The following SLC2A13 variants were observed in gnomAD, a reference collection of about 807,000 sequenced individuals.
The protein encoded by SLC2A13 is solute carrier family 2 member 13.
A neutral mutation model predicts 64.4 loss-of-function variants in SLC2A13; 32 were observed. The observed-to-expected ratio is 0.50, with a 90% CI of 0.37 to 0.67. SLC2A13 has a LOEUF of 0.67. Among genes scored for constraint, SLC2A13 ranks in the 30% least tolerant of loss-of-function variants. SLC2A13 has a pLI of 0.00. For missense variants in SLC2A13, 743 were observed against 829.2 expected (o/e 0.90, Z 1.28); for synonymous variants, 338 against 327.1 (o/e 1.03, Z -0.36).
chr12:39,866,467 G>A (rs1943913036), intron 5 of SLC2A13, among the ~76,000 whole-genome samples: 1 of 152,140 alleles, frequency 6.6e-6, no homozygotes, highest in Admixed American at 6.5e-5. Context: ...AATTTTAAAT[G>A]TCATAATGTA....
chr12:40,001,204 G>A (rs1045908483), intron 3 of SLC2A13, among the ~76,000 whole-genome samples: 14 of 152,264 alleles, frequency 9.2e-5, no homozygotes, highest in African/African-American at 2.9e-4. Flanking sequence ...GGGCCTTAAC[G>A]ACAACAAAAA....
chr12:39,983,072 T>C (rs1375787909), intron 3 of SLC2A13, among the ~76,000 whole-genome samples: 1 of 150,894 alleles, frequency 6.6e-6, no homozygotes, highest in Non-Finnish European at 1.5e-5. Flanking sequence ...AAACAAGCAA[T>C]GGGGAAAGGA....
At position 39,783,034 on chromosome 12, in the gene SLC2A13, C is replaced by T. The variant is rs528482390; in HGVS notation, c.1446-18176G>A. 1.5e-4 allele frequency among the ~76,000 whole-genome samples: 23 copies of T among 152,238 alleles called. No individual in the cohort carries two copies. In the South Asian group the frequency reaches 2.1e-3, roughly 14 times the overall value. The stretch of plus-strand genomic sequence containing the variant: ...ATCCCTCCCCGCTCCCCCCACCCCA[C>T]GACAGGCCCTGGTGTGTGATGTTCC... On this transcript the variant is annotated intron_variant, in intron 7 of 9. Transcript: ENST00000280871.
chr12:39,889,399 C>T (rs1944544785), intron 4 of SLC2A13, among the ~76,000 whole-genome samples: 1 of 151,848 alleles, frequency 6.6e-6, no homozygotes, highest in Non-Finnish European at 1.5e-5. Context: ...ATAAATATAG[C>T]CTTATACTCT....
At position 40,101,233 on chromosome 12, in the gene SLC2A13, C is replaced by T. The variant is rs542068285; in HGVS notation, c.556+4020G>A. Among the ~76,000 whole-genome samples, 9 of 151,948 alleles carry T rather than the reference C, an allele frequency of 5.9e-5. No homozygotes were observed. In the South Asian group the frequency reaches 1.0e-3, roughly 18 times the overall value. On this transcript the variant is annotated intron_variant, in intron 1 of 9. Coordinates refer to ENST00000280871, the MANE Select transcript of SLC2A13 (RefSeq NM_052885.4). Reference sequence around the variant, plus strand: ...AATAATGCCATATTTAAAACAGGCACGCAGTATTTTTTTTACAACCAGTCA... The same window carrying T: ...AATAATGCCATATTTAAAACAGGCATGCAGTATTTTTTTTACAACCAGTCA...
At chr12:40,078,602 T>C (rs558818509) in intron 1 of SLC2A13, among the ~76,000 whole-genome samples, 4 of 152,318 alleles carry the variant, frequency 2.6e-5, no homozygotes, top group African/African-American at 7.2e-5. Context: ...AGTTTTCATC[T>C]TTTATTGTGT....
chr12:39,779,097 A>G (rs1047070147), intron 7 of SLC2A13, among the ~76,000 whole-genome samples: 1 of 152,158 alleles, frequency 6.6e-6, no homozygotes, highest in African/African-American at 2.4e-5. Context: ...AAGGGCTGGC[A>G]TAAGTTGGAT....
intron 7 of SLC2A13, among the ~76,000 whole-genome samples, chr12:39,800,171 G>A (rs1165814106): frequency 6.6e-6 from 1 of 152,090 alleles, no homozygotes; most frequent in Non-Finnish European, 1.5e-5. Flanking sequence ...TTAAATCCTT[G>A]GCATTTTTGC....
intron 7 of SLC2A13, among the ~76,000 whole-genome samples, chr12:39,811,132 C>CA (rs1407047366): frequency 6.6e-6 from 1 of 151,822 alleles, no homozygotes; most frequent in Non-Finnish European, 1.5e-5. Context: ...TATGTGTCAC[C>CA]AGGAATTTTC....
intron 3 of SLC2A13, among the ~76,000 whole-genome samples, chr12:40,026,179 G>A (rs1454880871): frequency 6.6e-6 from 1 of 152,202 alleles, no homozygotes; most frequent in Non-Finnish European, 1.5e-5. Flanking sequence ...TAAGCAAGAT[G>A]ATATTACTTC....
chr12:40,076,006 CA>C (rs1938157252), intron 1 of SLC2A13, among the ~76,000 whole-genome samples: 1 of 152,104 alleles, frequency 6.6e-6, no homozygotes, highest in Non-Finnish European at 1.5e-5. Flanking sequence ...TTACCAAAGC[CA>C]ATTTAAAGTT....
At chr12:39,930,944 T>A (rs565902765) in intron 4 of SLC2A13, among the ~76,000 whole-genome samples, 1 of 152,358 alleles carries the variant, frequency 6.6e-6, no homozygotes, top group Non-Finnish European at 1.5e-5. Flanking sequence ...ATTTTTTATC[T>A]GGTCCTTTAC....
rs544628442 is a variant in SLC2A13, at chr12:39,831,806, T to C, written c.1320-1578A>G. ...TCCCACTTTCACTATGTGAGGTGGC[T>C]GTTCCCCCTTAGCCTTCTACCATAA... On this transcript the variant is annotated intron_variant, in intron 6 of 9. Transcript: ENST00000280871. Among the ~76,000 whole-genome samples the C allele has an allele frequency of 2.0e-5, 3 of 152,254 alleles. No individual in the cohort carries two copies. The East Asian group carries it at 5.8e-4, about 29-fold the overall frequency.
rs574352020 is a variant in SLC2A13, at chr12:39,973,462, T to C, written c.926-22097A>G. Among the ~76,000 whole-genome samples, 75 of 152,350 alleles carry C rather than the reference T, an allele frequency of 4.9e-4. 2 individuals are homozygous for C. The highest frequency in any genetic ancestry group is 3.0e-3 in the Admixed American group (46 of 15,300). On this transcript the variant is annotated intron_variant, in intron 3 of 9. Coordinates refer to ENST00000280871, the MANE Select transcript of SLC2A13 (RefSeq NM_052885.4). ...CTTCTCCCCATAGAGGGGTTCCTCA[T>C]GGATGTTTTCCAATCTCATGACTCC...
chr12:40,095,788 AATG>A (rs1938920029), intron 1 of SLC2A13, among the ~76,000 whole-genome samples: 1 of 152,230 alleles, frequency 6.6e-6, no homozygotes, highest in Non-Finnish European at 1.5e-5. Context: ...AATGAAGAAA[AATG>A]AATGAAGCAT....
chr12:39,886,488 A>G (rs1592241963), intron 4 of SLC2A13, among the ~76,000 whole-genome samples: 1 of 152,244 alleles, frequency 6.6e-6, no homozygotes, highest in East Asian at 1.9e-4. Flanking sequence ...GTCAGCATAC[A>G]TTTATTTAGG....
At chr12:40,061,088 C>A (rs1247464556) in intron 1 of SLC2A13, among the ~76,000 whole-genome samples, 1 of 151,896 alleles carries the variant, frequency 6.6e-6, no homozygotes, top group Non-Finnish European at 1.5e-5. Context: ...AAAATACATG[C>A]AAATACAACT....
intron 1 of SLC2A13, among the ~76,000 whole-genome samples, chr12:40,064,644 A>G (rs768376040): frequency 4.8e-4 from 73 of 152,270 alleles, no homozygotes; most frequent in South Asian, 6.2e-4. Context: ...TCATAGGAAA[A>G]GCTCAGTAGA....
intron 7 of SLC2A13, among the ~76,000 whole-genome samples, chr12:39,810,014 A>G (rs1566816224): frequency 6.6e-6 from 1 of 152,200 alleles, no homozygotes; most frequent in Non-Finnish European, 1.5e-5. Flanking sequence ...TCCTTTGGGT[A>G]TATACCCAGT....
Sources: gnomAD v4.1 joint callset for allele counts (sites outside exome capture counted in the v4.1 genomes callset) on GRCh38, gnomAD v4.1.1 for gene constraint, MANE v1.5 for transcripts, NCBI Gene and HGNC (gene_info 2026-07-23, HGNC 2026-07-21) for gene names.